The following MPP4 variants were observed in gnomAD, a reference collection of about 807,000 sequenced individuals.
MPP4 encodes MAGUK p55 subfamily member 4.
A neutral mutation model predicts 98.3 loss-of-function variants in MPP4; 91 were observed. The observed-to-expected ratio is 0.93, with a 90% CI of 0.78 to 1.10. MPP4 has a LOEUF of 1.10. Among genes scored for constraint, MPP4 ranks in the 50% least tolerant of loss-of-function variants. MPP4 has a pLI of 0.00. For missense variants in MPP4, 744 were observed against 792.9 expected, an observed-to-expected ratio of 0.94 and a Z score of 0.74; for synonymous variants, 261 against 271.8, an observed-to-expected ratio of 0.96 and a Z score of 0.39.
rs199777004 is a variant in MPP4 at position 201,645,215 on chromosome 2, G to A, written c.1909C>T (p.Gln637Ter). Reference sequence around the variant, plus strand: ...CCAGCATTAAACAAGAAGTCTCATTGAGACTCAGTATCTGAGGAAATCCAT... The same window carrying A: ...CCAGCATTAAACAAGAAGTCTCATTAAGACTCAGTATCTGAGGAAATCCAT... Reference protein sequence around the residue: ...ATWISSDTESQ With the variant: ...ATWISSDTES The change falls in exon 22 of 22, where the codon CAA becomes TAA. Residue 637 changes from glutamine to a stop codon, truncating the protein, a stop_gained. Coordinates refer to ENST00000409474, the MANE Select transcript of MPP4 (RefSeq NM_033066.3). LOFTEE classifies it low-confidence loss of function (ANC_ALLELE). 1.7e-5 allele frequency: 28 copies of A among 1,611,144 alleles called. No homozygotes were observed. The highest frequency in any genetic ancestry group is 2.0e-5 in the Non-Finnish European group (23 of 1,178,746).
rs571376801 is a variant in MPP4, at chr2:201,687,085, A to G, written c.360+206T>C. ...GAAAGTTCTGGATGCCTCCTCATAA[A>G]CACAGCAGGCTTGACTGCATGATTG... On this transcript the variant is annotated intron_variant, in intron 5 of 21. Coordinates refer to ENST00000409474, the MANE Select transcript of MPP4 (RefSeq NM_033066.3). 1.6e-4 allele frequency among the ~76,000 whole-genome samples: 24 copies of G among 152,324 alleles called. No homozygotes were observed. The South Asian group carries it at 5.0e-3, about 32-fold the overall frequency.
At chr2:201,683,781 T>C (rs1688734650) in intron 7 of MPP4, among the ~76,000 whole-genome samples, 1 of 148,694 alleles carries the variant, frequency 6.7e-6, no homozygotes, top group African/African-American at 2.5e-5. Flanking sequence ...AAAAGAAAAC[T>C]GAGGAGGAAG....
At position 201,698,573 on chromosome 2, in the gene MPP4, C is replaced by T. The variant is rs1447223804; in HGVS notation, c.-101+14G>A. 2 of 1,303,270 alleles carry T rather than the reference C, an allele frequency of 1.5e-6. No homozygotes were observed. Among genetic ancestry groups the T allele is most frequent in the Non-Finnish European group, 2.0e-6 (2 of 988,594 alleles). 80.7% of individuals were successfully genotyped at this position (1,303,270 alleles called of 1,614,324 possible). A position where few individuals can be genotyped will look rare whatever the true frequency, so the allele number is the denominator to read the frequency against. On this transcript the variant is annotated intron_variant, in intron 1 of 21. Coordinates refer to ENST00000409474, the MANE Select transcript of MPP4 (RefSeq NM_033066.3). ...TCTTCTGGTAACTGAGGATTATTTG[C>T]CAAGGTCTCTTACCTGCAAGACTGT...
intron 10 of MPP4, among the ~76,000 whole-genome samples, chr2:201,677,079 G>A (rs578122054): frequency 1.3e-5 from 2 of 152,230 alleles, no homozygotes; most frequent in East Asian, 3.9e-4. Flanking sequence ...TGTGTTTCCT[G>A]TTTTTTAACC....
In MPP4 at chr2:201,649,656, G is replaced by A. The variant is rs745906480; in HGVS notation, c.1504C>T (p.His502Tyr). The change falls in exon 20 of 22, where the codon CAC becomes TAC. Residue 502 changes from histidine to tyrosine, a missense_variant. His to Tyr is a moderately conservative substitution (Grantham distance 83). Coordinates refer to ENST00000409474, the MANE Select transcript of MPP4 (RefSeq NM_033066.3). The part of the protein sequence containing the change: ...RMLEYGEYKG[H>Y]LYGTSVDAVQ... The stretch of plus-strand genomic sequence containing the variant: ...GCATCCACACTAGTGCCATACAGGT[G>A]GCCTTTGTACTCACCATACTCCAGC... The A allele has an allele frequency of 7.5e-6, 12 of 1,610,536 alleles. No individual in the cohort carries two copies. The Middle Eastern group carries it at 1.3e-3, about 177-fold the overall frequency.
intron 12 of MPP4, among the ~76,000 whole-genome samples, chr2:201,667,168 T>C (rs1443190493): frequency 6.6e-6 from 1 of 152,242 alleles, no homozygotes; most frequent in Non-Finnish European, 1.5e-5. Context: ...CTTTAAAAAC[T>C]ACTTATCCTA....
At chr2:201,656,801 A>C (rs1687859627) in intron 16 of MPP4, among the ~76,000 whole-genome samples, 1 of 152,256 alleles carries the variant, frequency 6.6e-6, no homozygotes, top group Admixed American at 6.5e-5. Flanking sequence ...GGAGGAAGGC[A>C]GGGAGCCACA....
In MPP4 at chr2:201,654,868, A is replaced by C; in HGVS notation, c.1350T>G (p.Phe450Leu). 6.2e-7 allele frequency: 1 copy of C among 1,605,316 alleles called. No homozygotes were observed. The highest frequency in any genetic ancestry group is 8.5e-7 in the Non-Finnish European group (1 of 1,175,892). ...CAGCACTTTGAAAATGGCTGGGATT[A>C]AATTCAATAAGTTGTCTTCTGAGCT... is the stretch of plus-strand genomic sequence containing the variant. ...VNELRRQLIE[F>L]NPSHFQSAVP... The change falls in exon 18 of 22, where the codon TTT (phenylalanine) becomes TTG (leucine). Residue 450 changes from phenylalanine to leucine, a missense_variant. Coordinates refer to ENST00000409474, the MANE Select transcript of MPP4 (RefSeq NM_033066.3).
At chr2:201,653,923 G>A (rs2105914003) in intron 18 of MPP4, among the ~76,000 whole-genome samples, 1 of 152,086 alleles carries the variant, frequency 6.6e-6, no homozygotes. Context: ...GCTGGTAGTA[G>A]TAAAGGGGGA....
intron 18 of MPP4, among the ~76,000 whole-genome samples, chr2:201,654,183 C>G (rs975370762): frequency 2.0e-5 from 3 of 152,020 alleles, no homozygotes; most frequent in African/African-American, 7.3e-5. Flanking sequence ...ACCATGTTGG[C>G]CAAGCTGGTC....
At chr2:201,686,700 G>A (rs186396726) in intron 5 of MPP4, among the ~76,000 whole-genome samples, 18 of 152,292 alleles carry the variant, frequency 1.2e-4, no homozygotes, top group East Asian at 3.9e-4. Context: ...AGTGCGTGCC[G>A]TTGAGGATAT....
In MPP4 at chr2:201,667,068, C is replaced by G. The variant is rs572049302; in HGVS notation, c.1013-696G>C. 1.1e-3 allele frequency among the ~76,000 whole-genome samples: 169 copies of G among 152,176 alleles called. 1 individual carries two copies. The Middle Eastern group carries it at 0.027, about 25-fold the overall frequency. ...TATAGGCTAGGATTGAGAAAATGCA[C>G]GAAAAGCTCAGGCATATGGTAAGTA... On this transcript the variant is annotated intron_variant, in intron 12 of 21. Coordinates refer to ENST00000409474, the MANE Select transcript of MPP4 (RefSeq NM_033066.3).
chr2:201,666,270 A>G, intron 13 of MPP4, 64 bp downstream of exon 13: 24 of 1,417,338 alleles, frequency 1.7e-5, no homozygotes, highest in Non-Finnish European at 2.3e-5. Context: ...TCTGCTTCAG[A>G]TAATCTATAA....
intron 18 of MPP4, chr2:201,650,487 A>T: frequency 1.0e-6 from 1 of 985,466 alleles, no homozygotes; most frequent in Non-Finnish European, 1.2e-6. Flanking sequence ...TAGATGCCTG[A>T]AAGCTCCCAG....
rs1689081526 is a variant in MPP4 at position 201,692,952 on chromosome 2, A to T, written c.157T>A (p.Leu53Met). The change falls in exon 3 of 22, where the codon TTG becomes ATG. Residue 53 changes from leucine to methionine, a missense_variant. Physicochemically the swap from Leu to Met is conservative, Grantham distance 15. Coordinates refer to ENST00000409474, the MANE Select transcript of MPP4 (RefSeq NM_033066.3). ...YGRDVNGVCL[L>M]YDLLHSPWLQ... is the part of the protein sequence containing the mutation. ...CACGGCGAGTGGAGGAGATCGTACA[A>T]GAGACACACTCCATTCACATCTCTG... 6.2e-7 allele frequency: 1 copy of T among 1,612,578 alleles called. No individual in the cohort carries two copies. The highest frequency in any genetic ancestry group is 1.1e-5 in the South Asian group (1 of 90,664).
intron 4 of MPP4, among the ~76,000 whole-genome samples, chr2:201,688,764 C>T (rs185529427): frequency 1.6e-4 from 24 of 152,110 alleles, no homozygotes; most frequent in Non-Finnish European, 2.5e-4. Context: ...TGCACCACAA[C>T]GCCCAGCTAA....
At chr2:201,651,507 A>G (rs903013805) in intron 18 of MPP4, 1 of 985,342 alleles carries the variant, frequency 1.0e-6, no homozygotes, top group Non-Finnish European at 1.2e-6. Flanking sequence ...ATTGATGTAT[A>G]ACTCGAGGTA....
chr2:201,651,454 C>T (rs1687710346), intron 18 of MPP4: 4 of 985,386 alleles, frequency 4.1e-6, no homozygotes, highest in Non-Finnish European at 4.8e-6. Flanking sequence ...TCCTCCTTTG[C>T]TTCCACTGGA....
intron 4 of MPP4, among the ~76,000 whole-genome samples, chr2:201,687,890 A>G (rs1471980126): frequency 6.6e-6 from 1 of 152,230 alleles, no homozygotes; most frequent in African/African-American, 2.4e-5. Context: ...GTTACAATAA[A>G]AAGTGCTAAG....
Sources: gnomAD v4.1 joint callset for allele counts (sites outside exome capture counted in the v4.1 genomes callset) on GRCh38, gnomAD v4.1.1 for gene constraint, MANE v1.5 for transcripts, NCBI Gene and HGNC (gene_info 2026-07-23, HGNC 2026-07-21) for gene names.